CCDC70: variants seen among roughly 807,000 people sequenced by gnomAD.
The protein encoded by CCDC70 is coiled-coil domain-containing protein 70.
A neutral mutation model predicts 9.1 loss-of-function variants in CCDC70; 4 were observed. The ratio of observed to expected loss-of-function variants is 0.44; its 90% CI spans 0.22 to 1.00. The LOEUF (loss-of-function observed/expected upper bound fraction) is 1.00. Among genes scored for constraint, CCDC70 ranks in the 50% least tolerant of loss-of-function variants. CCDC70 has a pLI of 0.25. For missense variants in CCDC70, 308 were observed against 271.3 expected (o/e 1.14, Z -0.95); for synonymous variants, 119 against 94.0 (o/e 1.27, Z -1.54).
chr13:51,863,672 GAC>G (rs35041555), intron 1 of CCDC70, among the ~76,000 whole-genome samples: 16,023 of 134,250 alleles, frequency 0.12, 1,058 homozygotes, highest in Middle Eastern at 0.18. Context: ...CGCGCACACA[GAC>G]ACACACACAC....
chr13:51,865,681 G>C lies in CCDC70; in HGVS notation c.270G>C (p.Trp90Cys). The change falls in exon 2 of 2, where the codon TGG becomes TGC. Residue 90 changes from tryptophan to cysteine, a missense_variant. Physicochemically the swap from Trp to Cys is radical, Grantham distance 215. Coordinates refer to ENST00000242819, the MANE Select transcript of CCDC70 (RefSeq NM_031290.4). ...RPFWEEEKTF[W>C]KEEKSFWEME... ...TCTGGGAAGAGGAGAAAACCTTCTGGAAAGAGGAAAAATCCTTCTGGGAAA... is the reference window on the plus strand; with the variant it reads ...TCTGGGAAGAGGAGAAAACCTTCTGCAAAGAGGAAAAATCCTTCTGGGAAA... The C allele has an allele frequency of 6.2e-7, 1 of 1,614,172 alleles. No homozygotes were observed. The highest frequency in any genetic ancestry group is 8.5e-7 in the Non-Finnish European group (1 of 1,180,024).
At chr13:51,864,763 T>C (rs149632208) in intron 1 of CCDC70, among the ~76,000 whole-genome samples, 137 of 152,340 alleles carry the variant, frequency 9.0e-4, no homozygotes, top group African/African-American at 3.1e-3. Context: ...TCCATATTAC[T>C]AAATATTGTG....
At chr13:51,864,650 CCTTGAACACA>C (rs1411133689) in intron 1 of CCDC70, among the ~76,000 whole-genome samples, 5 of 152,196 alleles carry the variant, frequency 3.3e-5, no homozygotes, top group African/African-American at 1.2e-4. Flanking sequence ...GAACAAAGCT[CCTTGAACACA>C]CTTGTACATG....
At chr13:51,862,687 T>C (rs1244871067) in intron 1 of CCDC70, among the ~76,000 whole-genome samples, 1 of 152,110 alleles carries the variant, frequency 6.6e-6, no homozygotes, top group Non-Finnish European at 1.5e-5. Flanking sequence ...AGGAGGTATC[T>C]GAGTGCTGAA....
Position 51,865,519 on chromosome 13 carries a change from G to A in CCDC70, c.108G>A (p.Glu36=). ...AGAAACTAATGCACAAGCTGCAGGA[G>A]GAAAAGGCTTTTCGCGAAGAGATGA... ...RQKKLMHKLQ[E]EKAFREEMKI... The change falls in exon 2 of 2, where the codon GAG becomes GAA. Residue 36 remains glutamate, a synonymous_variant. Coordinates refer to ENST00000242819, the MANE Select transcript of CCDC70 (RefSeq NM_031290.4). The A allele has an allele frequency of 1.2e-6, 2 of 1,614,206 alleles. No homozygotes were observed. The highest frequency in any genetic ancestry group is 1.3e-5 in the African/African-American group (1 of 75,050).
intron 1 of CCDC70, among the ~76,000 whole-genome samples, chr13:51,864,181 T>C (rs1238759628): frequency 6.6e-6 from 1 of 151,850 alleles, no homozygotes; most frequent in East Asian, 1.9e-4. Context: ...TTGTGAAATA[T>C]ACTGTATTGA....
At position 51,865,715 on chromosome 13, in the gene CCDC70, T is replaced by C. The variant is rs1243429791; in HGVS notation, c.304T>C (p.Ser102Pro). The C allele has an allele frequency of 1.2e-6, 2 of 1,614,082 alleles. No individual in the cohort carries two copies. The highest frequency in any genetic ancestry group is 1.7e-6 in the Non-Finnish European group (2 of 1,180,024). The change falls in exon 2 of 2, where the codon TCT becomes CCT. Residue 102 changes from serine to proline, a missense_variant. Transcript: ENST00000242819. ...EEKSFWEMEK[S>P]FREEEKTFWK... is the part of the protein sequence containing the mutation. ...AAAATCCTTCTGGGAAATGGAAAAG[T>C]CTTTCAGGGAGGAAGAGAAAACTTT...
At chr13:51,863,321 G>A (rs1357459085) in intron 1 of CCDC70, among the ~76,000 whole-genome samples, 1 of 152,196 alleles carries the variant, frequency 6.6e-6, no homozygotes, top group South Asian at 2.1e-4. Flanking sequence ...GGTCTTTGAA[G>A]GTGTGTGAAC....
intron 1 of CCDC70, among the ~76,000 whole-genome samples, chr13:51,864,839 C>T (rs1956407725): frequency 6.6e-6 from 1 of 152,150 alleles, no homozygotes; most frequent in African/African-American, 2.4e-5. Flanking sequence ...TTGTTTTAAA[C>T]CACTTTTCCC....
chr13:51,865,664 G>C lies in CCDC70; in HGVS notation c.253G>C (p.Glu85Gln). 6.2e-7 allele frequency: 1 copy of C among 1,614,224 alleles called. No homozygotes were observed. Among genetic ancestry groups the C allele is most frequent in the South Asian group, 1.1e-5 (1 of 91,086 alleles). The change falls in exon 2 of 2, where the codon GAG becomes CAG. Residue 85 changes from glutamate (E) to glutamine (Q), a missense_variant. By Grantham distance (29) the Glu-to-Gln change is conservative. Transcript: ENST00000242819. The stretch of plus-strand genomic sequence containing the variant: ...GGAAGAGGAGAGACCTTTCTGGGAA[G>C]AGGAGAAAACCTTCTGGAAAGAGGA... ...FWEEERPFWE[E>Q]EKTFWKEEKS...
In CCDC70 at chr13:51,865,928, C is replaced by T. The variant is rs1273977743; in HGVS notation, c.517C>T (p.Leu173Phe). 1 of 1,613,874 alleles carries T rather than the reference C, an allele frequency of 6.2e-7. No individual in the cohort carries two copies. Among genetic ancestry groups the T allele is most frequent in the East Asian group, 2.2e-5 (1 of 44,866 alleles). Residue 173 changes from leucine (L) to phenylalanine (F), a missense_variant, in exon 2 of 2, where the codon CTC (leucine) becomes TTC (phenylalanine). Physicochemically the swap from Leu to Phe is conservative, Grantham distance 22. Coordinates refer to ENST00000242819, the MANE Select transcript of CCDC70 (RefSeq NM_031290.4). ...EKALWEDKTS[L>F]WEEENALWEE... ...AGCCCTGTGGGAAGATAAAACGTCCCTCTGGGAGGAAGAGAATGCCCTCTG... is the reference window on the plus strand; with the variant it reads ...AGCCCTGTGGGAAGATAAAACGTCCTTCTGGGAGGAAGAGAATGCCCTCTG...
intron 1 of CCDC70, 40 bp from the exon 2 acceptor site, chr13:51,865,292 T>A (rs1441016070): frequency 9.2e-7 from 1 of 1,089,656 alleles, no homozygotes; most frequent in Non-Finnish European, 1.3e-6. Flanking sequence ...TCCCCTGGCA[T>A]GTGATACTCA....
chr13:51,863,440 T>G (rs955724590), intron 1 of CCDC70, among the ~76,000 whole-genome samples: 1 of 152,110 alleles, frequency 6.6e-6, no homozygotes, highest in Non-Finnish European at 1.5e-5. Flanking sequence ...GTTACAGGCA[T>G]CCTGGCCTGA....
intron 1 of CCDC70, among the ~76,000 whole-genome samples, chr13:51,862,904 G>A (rs17076039): frequency 3.3e-5 from 5 of 152,308 alleles, no homozygotes; most frequent in East Asian, 1.9e-4. Context: ...TATAGGCGGC[G>A]TTATATTATG....
In CCDC70 at chr13:51,866,067, G is replaced by A. The variant is rs1011026788; in HGVS notation, c.656G>A (p.Arg219Gln). 10 of 1,577,774 alleles carry A rather than the reference G, an allele frequency of 6.3e-6. No individual in the cohort carries two copies. Among genetic ancestry groups the A allele is most frequent in the African/African-American group, 4.1e-5 (3 of 73,580 alleles). The change falls in exon 2 of 2, where the codon CGA becomes CAA. Residue 219 changes from arginine to glutamine, a missense_variant. Transcript: ENST00000242819. ...NRGQRLLAFS[R>Q]GRA ...GGGCAGCGCTTGCTGGCCTTCTCCC[G>A]AGGCAGGGCGTAGCCAGCATGCAGG...
intron 1 of CCDC70, 26 bp from the exon 2 acceptor site, chr13:51,865,306 A>T: frequency 1.6e-6 from 2 of 1,271,208 alleles, no homozygotes; most frequent in Non-Finnish European, 2.2e-6. Flanking sequence ...ATACTCATAG[A>T]TCTGTCTTTT....
chr13:51,865,397 C>T lies in CCDC70; in HGVS notation c.-15C>T, dbSNP rs200191823. ...ATCCCTCATGGCCACCCCGCCATTCCGGCTGATAAGGAAGATGTTTTCCTT... is the reference window on the plus strand; with the variant it reads ...ATCCCTCATGGCCACCCCGCCATTCTGGCTGATAAGGAAGATGTTTTCCTT... On this transcript the variant is annotated 5_prime_UTR_variant, in exon 2 of 2. Coordinates refer to ENST00000242819, the MANE Select transcript of CCDC70 (RefSeq NM_031290.4). The T allele has an allele frequency of 1.2e-5, 19 of 1,599,062 alleles. No individual in the cohort carries two copies. Among genetic ancestry groups the T allele is most frequent in the South Asian group, 2.2e-5 (2 of 89,000 alleles).
In CCDC70 at chr13:51,864,800, G is replaced by A. The variant is rs75963377; in HGVS notation, c.-80-532G>A. Among the ~76,000 whole-genome samples, 569 of 152,212 alleles carry A rather than the reference G, an allele frequency of 3.7e-3. 11 individuals are homozygous for A. In the East Asian group the frequency reaches 0.061, roughly 16 times the overall value. On this transcript the variant is annotated intron_variant, in intron 1 of 1. Transcript: ENST00000242819. The stretch of plus-strand genomic sequence containing the variant: ...GAGGGCCTTCTTGGTCCATGTCCCT[G>A]GAAACATTCACCATCGTCTCTCACC...
Position 51,866,099 on chromosome 13 carries a change from G to T in CCDC70, c.*19G>T. 2 of 1,540,872 alleles carry T rather than the reference G, an allele frequency of 1.3e-6. No homozygotes were observed. The highest frequency in any genetic ancestry group is 8.7e-7 in the Non-Finnish European group (1 of 1,147,180). ...GGCGTAGCCAGCATGCAGGTGCAGG[G>T]CCCTGTGGTCCAGACTCCCCTGGGT... On this transcript the variant is annotated 3_prime_UTR_variant, in exon 2 of 2. Transcript: ENST00000242819.
Sources: gnomAD v4.1 joint callset for allele counts (sites outside exome capture counted in the v4.1 genomes callset) on GRCh38, gnomAD v4.1.1 for gene constraint, MANE v1.5 for transcripts, NCBI Gene and HGNC (gene_info 2026-07-23, HGNC 2026-07-21) for gene names.